EIF3D: variants seen among roughly 807,000 people sequenced by gnomAD.
EIF3D encodes the protein eIF3 p66.
EIF3D carries 10 observed loss-of-function variants against 75.4 expected under a neutral mutation model. The observed-to-expected ratio is 0.13, with a 90% CI of 0.08 to 0.22. EIF3D has a LOEUF of 0.22. Ranked by LOEUF, EIF3D falls within the 10% of genes least tolerant of loss-of-function variation. EIF3D has a pLI of 1.00. For missense variants in EIF3D, 394 were observed against 708.0 expected (o/e 0.56, Z 5.03); for synonymous variants, 246 against 248.3 (o/e 0.99, Z 0.09).
At chr22:36,522,730 G>A (rs1292845679) in intron 6 of EIF3D, among the ~76,000 whole-genome samples, 1 of 152,220 alleles carries the variant, frequency 6.6e-6, no homozygotes, top group Non-Finnish European at 1.5e-5. Context: ...GCAGTGTCGG[G>A]AGGTAGGGCC....
intron 3 of EIF3D, among the ~76,000 whole-genome samples, chr22:36,525,077 G>A (rs1036888242): frequency 1.3e-5 from 2 of 152,018 alleles, no homozygotes; most frequent in African/African-American, 4.8e-5. Flanking sequence ...CCATTATCAG[G>A]GGCCCATGGC....
chr22:36,528,790 AC>A (rs1271988433), intron 1 of EIF3D: 1 of 153,238 alleles, frequency 6.5e-6, no homozygotes, highest in Non-Finnish European at 1.5e-5. Context: ...CTTTGTTGTT[AC>A]CCCTCCGTCT....
At chr22:36,521,786 A>C (rs1019936423) in intron 6 of EIF3D, among the ~76,000 whole-genome samples, 4 of 151,584 alleles carry the variant, frequency 2.6e-5, no homozygotes, top group African/African-American at 9.7e-5. Context: ...AAAAAAAAAA[A>C]AAAAGCCAGA....
At chr22:36,513,355 T>G (rs1934372370) in intron 12 of EIF3D, among the ~76,000 whole-genome samples, 1 of 151,848 alleles carries the variant, frequency 6.6e-6, no homozygotes, top group African/African-American at 2.4e-5. Flanking sequence ...CAGGGTGGAG[T>G]GCAGTGGCAC....
At chr22:36,527,072 A>G (rs1450372984) in intron 1 of EIF3D, among the ~76,000 whole-genome samples, 1 of 152,224 alleles carries the variant, frequency 6.6e-6, no homozygotes, top group East Asian at 1.9e-4. Flanking sequence ...TCTGCCATCA[A>G]CGCAAATCCT....
chr22:36,526,467 T>C (rs1466748359), intron 1 of EIF3D, among the ~76,000 whole-genome samples: 1 of 152,206 alleles, frequency 6.6e-6, no homozygotes, highest in African/African-American at 2.4e-5. Context: ...GTTACATAAG[T>C]GTTTAAAAAA....
chr22:36,517,440 G>C lies in EIF3D; in HGVS notation c.860-9C>G. The stretch of plus-strand genomic sequence containing the variant: ...ACTCACTGTCAGGAGGTCTGCAAAA[G>C]CGTGGCATGGTCACTCACCATGCAA... On this transcript the variant is annotated splice_polypyrimidine_tract_variant and intron_variant, in intron 9 of 14. Transcript: ENST00000216190. The C allele has an allele frequency of 1.2e-6, 2 of 1,604,896 alleles. No homozygotes were observed. Among genetic ancestry groups the C allele is most frequent in the Non-Finnish European group, 1.7e-6 (2 of 1,176,010 alleles).
At chr22:36,517,561 G>A (rs1934447792) in intron 9 of EIF3D, 130 bp from the exon 10 acceptor site, 2 of 1,108,968 alleles carry the variant, frequency 1.8e-6, no homozygotes, top group Non-Finnish European at 2.4e-6. Flanking sequence ...CTCCTAAAGT[G>A]GGTCTCCCTG....
intron 6 of EIF3D, 122 bp from the exon 7 acceptor site, chr22:36,520,810 T>A: frequency 1.6e-6 from 1 of 613,456 alleles, no homozygotes; most frequent in Non-Finnish European, 2.8e-6. Context: ...GTCCCAGCAC[T>A]TTGGGAAGCT....
At chr22:36,517,157 A>T in intron 10 of EIF3D, 144 bp downstream of exon 10, 1 of 1,077,706 alleles carries the variant, frequency 9.3e-7, no homozygotes, top group Non-Finnish European at 1.3e-6. Flanking sequence ...ATCCAAGCCC[A>T]GGCATGTAAC....
chr22:36,524,320 C>T (rs138885259), intron 4 of EIF3D, among the ~76,000 whole-genome samples: 36 of 152,282 alleles, frequency 2.4e-4, no homozygotes, highest in African/African-American at 7.5e-4. Context: ...TGGTAACAGG[C>T]ACAGGTGCAC....
chr22:36,521,773 GA>G (rs58996003), intron 6 of EIF3D, among the ~76,000 whole-genome samples: 5,157 of 88,682 alleles, frequency 0.058, 300 homozygotes, highest in African/African-American at 0.18. Context: ...CAAAACATAT[GA>G]AAAAAAAAAA....
At chr22:36,518,554 AG>A (rs1934463869) in intron 9 of EIF3D, among the ~76,000 whole-genome samples, 1 of 151,984 alleles carries the variant, frequency 6.6e-6, no homozygotes, top group African/African-American at 2.4e-5. Context: ...GGGTGCTGTG[AG>A]GACTCCAAAA....
At chr22:36,515,635 AATACAG>A (rs1743852757) in intron 12 of EIF3D, among the ~76,000 whole-genome samples, 1 of 152,236 alleles carries the variant, frequency 6.6e-6, no homozygotes, top group African/African-American at 2.4e-5. Context: ...AAAGTTATAT[AATACAG>A]AAGTATGTAT....
chr22:36,520,971 G>A (rs961896436), intron 6 of EIF3D, among the ~76,000 whole-genome samples: 2 of 152,018 alleles, frequency 1.3e-5, no homozygotes, highest in South Asian at 2.1e-4. Flanking sequence ...AGGCCAAGGC[G>A]GGCAGATCAC....
At position 36,525,239 on chromosome 22, in the gene EIF3D, C is replaced by CTTT. The variant is rs10709824; in HGVS notation, c.169+422_169+424dup. On this transcript the variant is annotated intron_variant, in intron 3 of 14. Transcript: ENST00000216190. ...CAGGATCTTAAAACCAGGGGTTTTA[C>CTTT]TTTTTTTTTTTTTTTTTTTTTTGGA... Among the ~76,000 whole-genome samples, 237 of 93,920 alleles carry CTTT rather than the reference C, an allele frequency of 2.5e-3. 2 individuals are homozygous for CTTT. Among genetic ancestry groups the CTTT allele is most frequent in the African/African-American group, 7.5e-3 (211 of 28,176 alleles). 61.6% of individuals were successfully genotyped at this position (93,920 alleles called of 152,430 possible). A position where few individuals can be genotyped will look rare whatever the true frequency, so the allele number is the denominator to read the frequency against.
chr22:36,511,460 C>T, intron 14 of EIF3D, 43 bp downstream of exon 14: 2 of 1,603,562 alleles, frequency 1.2e-6, no homozygotes, highest in Non-Finnish European at 1.7e-6. Flanking sequence ...CCCGTGCTAG[C>T]CCACAGATCA....
chr22:36,522,774 C>G (rs1006150538), intron 6 of EIF3D, among the ~76,000 whole-genome samples: 15 of 152,132 alleles, frequency 9.9e-5, no homozygotes, highest in African/African-American at 3.6e-4. Context: ...GGAATAAATG[C>G]CTCATGCCCT....
chr22:36,524,268 T>A (rs1443459873), intron 4 of EIF3D, among the ~76,000 whole-genome samples: 1 of 152,228 alleles, frequency 6.6e-6, no homozygotes, highest in Non-Finnish European at 1.5e-5. Context: ...GCAATCTGAC[T>A]GGACCATCTA....
Sources: allele counts gnomAD v4.1 joint callset (sites outside exome capture counted in the v4.1 genomes callset), GRCh38; gene constraint gnomAD v4.1.1; transcripts MANE v1.5; gene names NCBI Gene and HGNC (gene_info 2026-07-23, HGNC 2026-07-21).